KDM2A: variants seen among roughly 807,000 people sequenced by gnomAD.
The protein encoded by KDM2A is lysine-specific demethylase 2A.
A neutral mutation model predicts 137.3 loss-of-function variants in KDM2A; 3 were observed. The observed-to-expected ratio is 0.02, with a 90% confidence interval of 0.01 to 0.06. The LOEUF (loss-of-function observed/expected upper bound fraction) is 0.06, where lower values mean the gene tolerates loss of function less well. KDM2A is among the 10% of genes least tolerant of loss of function. The pLI, the probability that KDM2A is intolerant of heterozygous loss-of-function variation, is 1.00. For missense variants in KDM2A, 738 were observed against 1,510.6 expected (o/e 0.49, Z 8.48); for synonymous variants, 512 against 541.5 (o/e 0.95, Z 0.76).
At chr11:67,219,430 T>G (rs762931066) in intron 10 of KDM2A, 27 bp downstream of exon 10, 1 of 1,301,376 alleles carries the variant, frequency 7.7e-7, no homozygotes, top group Non-Finnish European at 1.1e-6. Flanking sequence ...AACAGTTGCA[T>G]GTGAAGAGGT....
chr11:67,218,695 C>T (rs180748861), intron 9 of KDM2A, among the ~76,000 whole-genome samples: 1 of 152,274 alleles, frequency 6.6e-6, no homozygotes, highest in African/African-American at 2.4e-5. Context: ...ACCTCCACCT[C>T]CCAGGTCCCA....
rs943393282 is a variant in KDM2A, at chr11:67,119,417, G to A, written c.-716G>A. 3 of 154,976 alleles carry A rather than the reference G, an allele frequency of 1.9e-5. No homozygotes were observed. Among genetic ancestry groups the A allele is most frequent in the African/African-American group, 7.2e-5 (3 of 41,450 alleles). 9.6% of individuals were successfully genotyped at this position (154,976 alleles called of 1,614,324 possible). Reference sequence around the variant, plus strand: ...GGCCCGTGGCCGCTCTGTCTTTCCTGGGCAGGGGACGCTCCGGGAGGAGGG... The same window carrying A: ...GGCCCGTGGCCGCTCTGTCTTTCCTAGGCAGGGGACGCTCCGGGAGGAGGG... On this transcript the variant is annotated 5_prime_UTR_variant, in exon 1 of 21. Transcript: ENST00000529006.
chr11:67,181,438 G>T, intron 4 of KDM2A, 40 bp downstream of exon 4: 1 of 1,382,350 alleles, frequency 7.2e-7, no homozygotes, highest in South Asian at 1.2e-5. Flanking sequence ...TTGCAAAATG[G>T]CCTCGTTACA....
At chr11:67,190,638 G>A (rs1857329267) in intron 5 of KDM2A, among the ~76,000 whole-genome samples, 11 of 151,952 alleles carry the variant, frequency 7.2e-5, no homozygotes, top group Admixed American at 7.2e-4. Flanking sequence ...GCATGTTCCT[G>A]TAATCCCAGC....
intron 2 of KDM2A, among the ~76,000 whole-genome samples, chr11:67,127,598 C>T (rs979945377): frequency 1.3e-5 from 2 of 152,148 alleles, no homozygotes; most frequent in Admixed American, 6.6e-5. Context: ...CAAGGAACTG[C>T]GGCCACTGAA....
Position 67,181,994 on chromosome 11 carries a change from A to G in KDM2A, c.307+102A>G, listed in dbSNP as rs534374022. ...ATTTAAGGCCTAGGAACATTGAAGTATATATTTGATTAGAAACTACATTTT... is the reference window on the plus strand; with the variant it reads ...ATTTAAGGCCTAGGAACATTGAAGTGTATATTTGATTAGAAACTACATTTT... On this transcript the variant is annotated intron_variant, in intron 5 of 20. Coordinates refer to ENST00000529006, the MANE Select transcript of KDM2A (RefSeq NM_012308.3). 2.7e-5 allele frequency: 25 copies of G among 928,120 alleles called. No individual in the cohort carries two copies. In the African/African-American group the frequency reaches 3.1e-4, roughly 12 times the overall value. 57.5% of individuals were successfully genotyped at this position (928,120 alleles called of 1,614,324 possible).
In KDM2A at chr11:67,245,495, G is replaced by A; in HGVS notation, c.1833+37G>A. On this transcript the variant is annotated intron_variant, in intron 14 of 20. Coordinates refer to ENST00000529006, the MANE Select transcript of KDM2A (RefSeq NM_012308.3). This position sits in a 1 kb window ranked among gnomAD's most constrained non-coding sequence, Gnocchi z 4.1. Reference sequence around the variant, plus strand: ...GCTGGGTAAAGAATTTTGGGGAGGGGTGGCAGTGCCAAAGGAACTGAAATA... The same window carrying A: ...GCTGGGTAAAGAATTTTGGGGAGGGATGGCAGTGCCAAAGGAACTGAAATA... The A allele has an allele frequency of 6.2e-7, 1 of 1,607,114 alleles. No homozygotes were observed. The highest frequency in any genetic ancestry group is 8.5e-7 in the Non-Finnish European group (1 of 1,175,684).
At chr11:67,161,715 T>C (rs1856643048) in intron 2 of KDM2A, among the ~76,000 whole-genome samples, 1 of 152,194 alleles carries the variant, frequency 6.6e-6, no homozygotes, top group South Asian at 2.1e-4. Flanking sequence ...AGGATTCTTT[T>C]ATTAGGGGTT....
intron 2 of KDM2A, among the ~76,000 whole-genome samples, chr11:67,136,056 T>TGG (rs1289150145): frequency 6.6e-6 from 1 of 152,168 alleles, no homozygotes; most frequent in Non-Finnish European, 1.5e-5. Context: ...AAACCATTTT[T>TGG]GGGGGATAAG....
At chr11:67,197,512 T>C (rs1287843770) in intron 5 of KDM2A, among the ~76,000 whole-genome samples, 1 of 152,226 alleles carries the variant, frequency 6.6e-6, no homozygotes, top group East Asian at 1.9e-4. Flanking sequence ...TTTTAAAGTC[T>C]GGGTGTTTTT....
intron 2 of KDM2A, among the ~76,000 whole-genome samples, chr11:67,175,314 A>G (rs540185533): frequency 1.3e-5 from 2 of 152,318 alleles, no homozygotes; most frequent in East Asian, 3.9e-4. Context: ...CTGTAATCCC[A>G]GCACTTTGGG....
intron 8 of KDM2A, 79 bp downstream of exon 8, chr11:67,216,028 A>G (rs541816287): frequency 4.9e-6 from 5 of 1,012,048 alleles, no homozygotes; most frequent in South Asian, 3.9e-5. Context: ...TACTTAATAT[A>G]CCCTGGAAAT....
rs1313132184 is a variant in KDM2A at position 67,128,038 on chromosome 11, G to A, written c.42+6680G>A. 6.2e-5 allele frequency among the ~76,000 whole-genome samples: 9 copies of A among 145,034 alleles called. No individual in the cohort carries two copies. The South Asian group carries it at 8.8e-4, about 14-fold the overall frequency. ...TTTTTTTTTTTTTTTTTTTTTAGGC[G>A]GGGTCTTGCTCTGTTGCCCAGGCCG... On this transcript the variant is annotated intron_variant, in intron 2 of 20. Transcript: ENST00000529006.
At chr11:67,243,156 T>A in intron 13 of KDM2A, 64 bp downstream of exon 13, 1 of 1,209,462 alleles carries the variant, frequency 8.3e-7, no homozygotes, top group Non-Finnish European at 1.2e-6. Context: ...TCATTACCAT[T>A]CTGGGGAAAA....
At chr11:67,227,006 G>A (rs1011232838) in intron 10 of KDM2A, among the ~76,000 whole-genome samples, 1 of 152,142 alleles carries the variant, frequency 6.6e-6, no homozygotes, top group African/African-American at 2.4e-5. Context: ...CCCATCATTG[G>A]TCTTCCTCAC....
chr11:67,170,483 GCTCACTGCAAGCTCCGC>G (rs1488338838), intron 2 of KDM2A, among the ~76,000 whole-genome samples: 3 of 139,112 alleles, frequency 2.2e-5, no homozygotes, highest in Non-Finnish European at 3.0e-5. Flanking sequence ...CGCGATCTCA[GCTCACTGCAAGCTCCGC>G]CTCCTGGGTT....
At chr11:67,121,114 T>A (rs61663253) in intron 1 of KDM2A, 120 bp from the exon 2 acceptor site, 2 of 574,816 alleles carry the variant, frequency 3.5e-6, no homozygotes, top group East Asian at 2.9e-5. Context: ...CCCAAACTCA[T>A]GAAGAGGAAC....
At chr11:67,240,412 T>C in intron 12 of KDM2A, 1 of 1,501,144 alleles carries the variant, frequency 6.7e-7, no homozygotes, top group Non-Finnish European at 8.9e-7. Flanking sequence ...TTGGGGTGCG[T>C]GTAACTATAG....
intron 12 of KDM2A, among the ~76,000 whole-genome samples, chr11:67,235,193 A>G (rs979393805): frequency 5.3e-5 from 8 of 152,004 alleles, no homozygotes; most frequent in Non-Finnish European, 8.8e-5. Flanking sequence ...CTTACCGGTA[A>G]ACTGGTAAAG....
Sources: gnomAD v4.1 joint callset for allele counts (sites outside exome capture counted in the v4.1 genomes callset) on GRCh38, gnomAD v4.1.1 for gene constraint, Gnocchi (gnomAD v3.1) non-coding constraint, MANE v1.5 for transcripts, NCBI Gene and HGNC (gene_info 2026-07-23, HGNC 2026-07-21) for gene names.